The following EYA1 variants were observed in gnomAD, a reference collection of about 807,000 sequenced individuals.
EYA1 encodes the protein protein phosphatase EYA1.
Under a neutral mutation model 82.0 loss-of-function variants are expected in EYA1, and 16 were observed. The ratio of observed to expected loss-of-function variants is 0.20; its 90% CI spans 0.13 to 0.30. EYA1 has a LOEUF of 0.30. Among genes scored for constraint, EYA1 ranks in the 10% least tolerant of loss-of-function variants. The pLI, the probability that EYA1 is intolerant of heterozygous loss-of-function variation, is 1.00. For synonymous variants in EYA1, 261 were observed against 264.4 expected, an observed-to-expected ratio of 0.99 and a Z score of 0.12; for missense variants, 633 against 730.7, an observed-to-expected ratio of 0.87 and a Z score of 1.54.
At chr8:71,454,744 A>G (rs1040770517) in intron 2 of EYA1, among the ~76,000 whole-genome samples, 1 of 152,252 alleles carries the variant, frequency 6.6e-6, no homozygotes, top group African/African-American at 2.4e-5. Flanking sequence ...ACAACATACC[A>G]GAATCTCTGG....
At chr8:71,529,526 G>C (rs1242201400) in intron 2 of EYA1, 2 of 152,142 alleles carry the variant, frequency 1.3e-5, no homozygotes, top group Non-Finnish European at 2.9e-5. Flanking sequence ...CTTTCAAACT[G>C]GTGCTTCAAT....
intron 9 of EYA1, among the ~76,000 whole-genome samples, chr8:71,291,231 C>T (rs909015760): frequency 6.6e-6 from 1 of 152,204 alleles, no homozygotes; most frequent in Admixed American, 6.5e-5. Context: ...TAACCTGTCA[C>T]ACTGAGTTCC....
At chr8:71,221,464 G>A (rs559590310) in intron 12 of EYA1, among the ~76,000 whole-genome samples, 1 of 152,308 alleles carries the variant, frequency 6.6e-6, no homozygotes, top group South Asian at 2.1e-4. Context: ...GGATCAAGAC[G>A]TGGGAAGAGA....
At chr8:71,265,468 A>ATAT (rs1178031335) in intron 11 of EYA1, among the ~76,000 whole-genome samples, 1 of 152,228 alleles carries the variant, frequency 6.6e-6, no homozygotes, top group African/African-American at 2.4e-5. Context: ...ATGAATATCC[A>ATAT]TATTTTTAAG....
chr8:71,534,937 T>A (rs6472592), intron 2 of EYA1, among the ~76,000 whole-genome samples: 3 of 148,678 alleles, frequency 2.0e-5, no homozygotes, highest in African/African-American at 4.9e-5. Context: ...CTACTGTGAA[T>A]AAAGCTGAGC....
At chr8:71,350,940 A>G (rs1187115792) in intron 3 of EYA1, among the ~76,000 whole-genome samples, 1 of 152,080 alleles carries the variant, frequency 6.6e-6, no homozygotes, top group Non-Finnish European at 1.5e-5. Context: ...CTTCGAAAGA[A>G]CCTTTCCCAA....
chr8:71,310,038 T>A (rs1306722563), intron 7 of EYA1, among the ~76,000 whole-genome samples: 1 of 152,184 alleles, frequency 6.6e-6, no homozygotes, highest in Non-Finnish European at 1.5e-5. Context: ...CCCTTCGATC[T>A]ATCATGGCAG....
chr8:71,332,731 T>C (rs142504875), intron 4 of EYA1, among the ~76,000 whole-genome samples: 2 of 152,216 alleles, frequency 1.3e-5, no homozygotes, highest in East Asian at 1.9e-4. Flanking sequence ...ACAAATTCCA[T>C]GAAGCTCACA....
At chr8:71,547,630 T>C (rs944552578) in intron 1 of EYA1, 3 of 151,624 alleles carry the variant, frequency 2.0e-5, no homozygotes, top group African/African-American at 7.3e-5. Flanking sequence ...GCCGCCCTCC[T>C]GCCCCGGGGT....
chr8:71,260,826 C>T (rs1301233921), intron 11 of EYA1, among the ~76,000 whole-genome samples: 3 of 152,142 alleles, frequency 2.0e-5, no homozygotes, highest in African/African-American at 7.2e-5. Context: ...ATGTGAAAAT[C>T]TTGTTAAGTA....
chr8:71,540,410 A>C (rs544455843), intron 1 of EYA1, among the ~76,000 whole-genome samples: 2 of 152,304 alleles, frequency 1.3e-5, no homozygotes, highest in African/African-American at 4.8e-5. Context: ...TTTTAGTTCT[A>C]GCTCATCACA....
intron 2 of EYA1, among the ~76,000 whole-genome samples, chr8:71,435,108 C>G (rs1469423596): frequency 6.6e-6 from 1 of 152,128 alleles, no homozygotes; most frequent in Non-Finnish European, 1.5e-5. Context: ...ATCTATCCAA[C>G]TCCTATCCAT....
At chr8:71,201,077 T>C (rs1806939074) in intron 17 of EYA1, among the ~76,000 whole-genome samples, 1 of 148,290 alleles carries the variant, frequency 6.7e-6, no homozygotes, top group Non-Finnish European at 1.5e-5. Context: ...AGCCAGCTGA[T>C]GCAGGGCCTA....
chr8:71,461,376 G>A (rs1808351138), intron 2 of EYA1, among the ~76,000 whole-genome samples: 1 of 152,144 alleles, frequency 6.6e-6, no homozygotes, highest in Admixed American at 6.5e-5. Context: ...GCAGCTCCAG[G>A]TGCCAGCACT....
intron 2 of EYA1, among the ~76,000 whole-genome samples, chr8:71,463,802 C>T (rs939471538): frequency 1.3e-5 from 2 of 151,998 alleles, no homozygotes; most frequent in South Asian, 4.2e-4. Flanking sequence ...TCCCTTGGAC[C>T]GTTGCTGAAT....
intron 2 of EYA1, among the ~76,000 whole-genome samples, chr8:71,511,278 A>G (rs1433802436): frequency 6.6e-6 from 1 of 152,170 alleles, no homozygotes; most frequent in African/African-American, 2.4e-5. Flanking sequence ...ACATTTCAGC[A>G]TTGTTACCAG....
At chr8:71,450,703 T>C (rs1361246117) in intron 2 of EYA1, among the ~76,000 whole-genome samples, 2 of 152,198 alleles carry the variant, frequency 1.3e-5, no homozygotes, top group East Asian at 3.9e-4. Flanking sequence ...ATAAAAACTG[T>C]ACTATCTGCA....
intron 12 of EYA1, among the ~76,000 whole-genome samples, chr8:71,235,514 A>C (rs1234711060): frequency 2.0e-5 from 3 of 152,034 alleles, no homozygotes; most frequent in Non-Finnish European, 4.4e-5. Flanking sequence ...CTTCCTGATC[A>C]TCTCAGCTAA....
chr8:71,233,126 A>G (rs1007417146), intron 12 of EYA1, among the ~76,000 whole-genome samples: 2 of 152,178 alleles, frequency 1.3e-5, no homozygotes, highest in Non-Finnish European at 2.9e-5. Context: ...GGAATAAGAG[A>G]GCCATGATTA....
Sources: gnomAD v4.1 joint callset for allele counts (sites outside exome capture counted in the v4.1 genomes callset) on GRCh38, gnomAD v4.1.1 for gene constraint, MANE v1.5 for transcripts, NCBI Gene and HGNC (gene_info 2026-07-23, HGNC 2026-07-21) for gene names.